The following TEX11 variants were observed in gnomAD, a reference collection of about 807,000 sequenced individuals.
The protein encoded by TEX11 is testis expressed 11, also known as testis-expressed protein 11.
TEX11 carries 7 observed loss-of-function variants against 84.4 expected under a neutral mutation model. The ratio of observed to expected loss-of-function variants is 0.08; its 90% CI spans 0.05 to 0.16. The LOEUF (loss-of-function observed/expected upper bound fraction) is 0.16, where lower values mean the gene tolerates loss of function less well. Among genes scored for constraint, TEX11 ranks in the 10% least tolerant of loss-of-function variants. The pLI is 1.00. For synonymous variants in TEX11, 264 were observed against 222.8 expected (o/e 1.18, Z -1.64); for missense variants, 551 against 660.5 (o/e 0.83, Z 1.82).
chrX:70,785,125 A>G (rs759685771), intron 9 of TEX11, among the ~76,000 whole-genome samples: 1 of 112,134 alleles, frequency 8.9e-6, no homozygotes, highest in East Asian at 2.8e-4. Context: ...GTACTAAAGC[A>G]GATATATAGA....
intron 4 of TEX11, among the ~76,000 whole-genome samples, chrX:70,862,111 C>A (rs2091573719): frequency 9.0e-6 from 1 of 110,901 alleles, no homozygotes; most frequent in East Asian, 2.8e-4. Flanking sequence ...CCAACCTCAG[C>A]CTCCCAAAGT....
chrX:70,641,920 G>GAAT (rs2089664901), intron 17 of TEX11, among the ~76,000 whole-genome samples: 1 of 111,372 alleles, frequency 9.0e-6, no homozygotes, highest in Non-Finnish European at 1.9e-5. Context: ...ACTAAGATCA[G>GAAT]AGCAGAACTG....
intron 8 of TEX11, among the ~76,000 whole-genome samples, chrX:70,808,734 G>A (rs1413978550): frequency 2.7e-5 from 3 of 109,627 alleles, no homozygotes; most frequent in Admixed American, 9.9e-5. Context: ...TTTAAAAAAA[G>A]TAAAAGAAAA....
chrX:70,891,403 A>T (rs2091737360), intron 2 of TEX11, among the ~76,000 whole-genome samples: 1 of 111,614 alleles, frequency 9.0e-6, no homozygotes, highest in Non-Finnish European at 1.9e-5. Flanking sequence ...ACAGAAGTAG[A>T]CTTCAAAAGG....
At chrX:70,780,545 T>A (rs1293364495) in intron 9 of TEX11, among the ~76,000 whole-genome samples, 1 of 112,023 alleles carries the variant, frequency 8.9e-6, no homozygotes, top group Non-Finnish European at 1.9e-5. Flanking sequence ...AGGACTTCCC[T>A]TTCCTAGCCA....
chrX:70,784,722 C>G (rs1364138725), intron 9 of TEX11, among the ~76,000 whole-genome samples: 2 of 111,673 alleles, frequency 1.8e-5, no homozygotes, highest in Admixed American at 9.6e-5. Flanking sequence ...AACTCCCATT[C>G]ACAATTGCTG....
intron 9 of TEX11, among the ~76,000 whole-genome samples, chrX:70,789,049 A>G (rs987719138): frequency 1.1e-5 from 1 of 95,227 alleles, no homozygotes; most frequent in Non-Finnish European, 2.1e-5. Context: ...AATAATGGGC[A>G]AAAAGCCAGG....
chrX:70,599,366 C>T (rs1411333096), intron 24 of TEX11, among the ~76,000 whole-genome samples: 1 of 111,894 alleles, frequency 8.9e-6, no homozygotes, highest in Non-Finnish European at 1.9e-5. Flanking sequence ...CCCTCAATTT[C>T]TCCTAACTCA....
At chrX:70,875,512 G>A (rs1408699007) in intron 3 of TEX11, among the ~76,000 whole-genome samples, 1 of 107,909 alleles carries the variant, frequency 9.3e-6, no homozygotes, top group Non-Finnish European at 1.9e-5. Flanking sequence ...GCCGAGGCAG[G>A]TGGATCACTT....
intron 17 of TEX11, among the ~76,000 whole-genome samples, chrX:70,648,023 T>G (rs775131972): frequency 8.9e-6 from 1 of 112,076 alleles, no homozygotes; most frequent in Non-Finnish European, 1.9e-5. Context: ...CAAATGTCCA[T>G]CAATGATAGA....
At chrX:70,609,548 T>A (rs2089235100) in intron 21 of TEX11, among the ~76,000 whole-genome samples, 1 of 112,380 alleles carries the variant, frequency 8.9e-6, no homozygotes, top group African/African-American at 3.2e-5. Context: ...GCTGGCATAA[T>A]ATTTACTGAG....
intron 10 of TEX11, among the ~76,000 whole-genome samples, chrX:70,743,865 T>C (rs2090749696): frequency 1.3e-5 from 1 of 78,940 alleles, no homozygotes; most frequent in African/African-American, 5.0e-5. Flanking sequence ...CGAGACTCTA[T>C]CTCAAAACAC....
chrX:70,799,714 T>A (rs2091175992), intron 9 of TEX11, among the ~76,000 whole-genome samples: 1 of 112,134 alleles, frequency 8.9e-6, no homozygotes, highest in Non-Finnish European at 1.9e-5. Flanking sequence ...GAAGAAATGC[T>A]TCAGGATTTT....
intron 22 of TEX11, among the ~76,000 whole-genome samples, chrX:70,608,040 C>A (rs189092636): frequency 8.9e-6 from 1 of 112,202 alleles, no homozygotes; most frequent in African/African-American, 3.2e-5. Flanking sequence ...CTTAATTGCT[C>A]ATGCTTACTT....
intron 17 of TEX11, among the ~76,000 whole-genome samples, chrX:70,646,317 C>T (rs1250484135): frequency 8.9e-6 from 1 of 111,802 alleles, no homozygotes; most frequent in East Asian, 2.8e-4. Flanking sequence ...TGTAGAACTA[C>T]TAAAAGAAAA....
intron 4 of TEX11, among the ~76,000 whole-genome samples, chrX:70,864,578 A>T (rs2091587867): frequency 9.4e-6 from 1 of 106,530 alleles, no homozygotes; most frequent in Admixed American, 1.0e-4. Flanking sequence ...TATACTAAAA[A>T]TACAAAAAAA....
chrX:70,767,213 C>T (rs1459232531), intron 9 of TEX11, among the ~76,000 whole-genome samples: 2 of 111,009 alleles, frequency 1.8e-5, no homozygotes, highest in Admixed American at 1.9e-4. Flanking sequence ...TGCAAATTAC[C>T]CATCTAATAA....
intron 2 of TEX11, among the ~76,000 whole-genome samples, chrX:70,892,168 A>G (rs1322505305): frequency 1.8e-5 from 2 of 111,734 alleles, no homozygotes; most frequent in African/African-American, 6.5e-5. Flanking sequence ...ATAAATAAAA[A>G]TAAATAAAAT....
chrX:70,697,517 G>C (rs2147677640), intron 13 of TEX11, among the ~76,000 whole-genome samples: 1 of 111,970 alleles, frequency 8.9e-6, no homozygotes, highest in African/African-American at 3.2e-5. Flanking sequence ...CTCAGTGTTA[G>C]TAAAACTGTC....
Sources: allele counts gnomAD v4.1 joint callset (sites outside exome capture counted in the v4.1 genomes callset), GRCh38; gene constraint gnomAD v4.1.1; transcripts MANE v1.5; gene names NCBI Gene and HGNC (gene_info 2026-07-23, HGNC 2026-07-21).